Variants in GRIN2A observed in about 807,000 individuals in gnomAD.
GRIN2A encodes glutamate receptor ionotropic, NMDA 2A.
GRIN2A carries 22 observed loss-of-function variants against 113.4 expected under a neutral mutation model. The ratio of observed to expected loss-of-function variants is 0.19; its 90% CI spans 0.14 to 0.28. GRIN2A has a LOEUF of 0.28. GRIN2A is among the 10% of genes least tolerant of loss of function. The pLI, the probability that GRIN2A is intolerant of heterozygous loss-of-function variation, is 1.00. For missense variants in GRIN2A, 1,502 were observed against 1,887.0 expected, an observed-to-expected ratio of 0.80 and a Z score of 3.78; for synonymous variants, 827 against 738.4, an observed-to-expected ratio of 1.12 and a Z score of -1.94.
At chr16:10,133,532 G>A (rs879703261) in intron 2 of GRIN2A, among the ~76,000 whole-genome samples, 12 of 152,162 alleles carry the variant, frequency 7.9e-5, no homozygotes, top group Non-Finnish European at 1.5e-4. Flanking sequence ...GCTTGAACCC[G>A]GGAGGTGGAG....
At chr16:10,071,505 C>T (rs1010888206) in intron 2 of GRIN2A, among the ~76,000 whole-genome samples, 26 of 152,192 alleles carry the variant, frequency 1.7e-4, no homozygotes, top group African/African-American at 5.8e-4. Context: ...CCTAATAACA[C>T]TGTATTGAGA....
intron 2 of GRIN2A, among the ~76,000 whole-genome samples, chr16:9,998,070 G>C (rs936435482): frequency 6.6e-6 from 1 of 151,998 alleles, no homozygotes; most frequent in Non-Finnish European, 1.5e-5. Flanking sequence ...ACAAATAATA[G>C]GTTATGCTTT....
intron 2 of GRIN2A, among the ~76,000 whole-genome samples, chr16:9,998,401 G>A (rs1003819206): frequency 6.6e-6 from 1 of 152,232 alleles, no homozygotes; most frequent in African/African-American, 2.4e-5. Context: ...GATGGGGCAT[G>A]TTGTGTGAAT....
intron 4 of GRIN2A, among the ~76,000 whole-genome samples, chr16:9,860,019 G>A (rs183358110): frequency 2.9e-3 from 433 of 151,924 alleles, no homozygotes; most frequent in African/African-American, 8.5e-3. Flanking sequence ...TTCCAGTCTC[G>A]GTGGAGAGAA....
intron 2 of GRIN2A, among the ~76,000 whole-genome samples, chr16:9,962,799 C>A (rs1382879982): frequency 1.3e-5 from 2 of 152,140 alleles, no homozygotes; most frequent in East Asian, 3.9e-4. Context: ...ATAAATCATG[C>A]TGCCATAAAG....
chr16:10,125,631 GA>G (rs79695852), intron 2 of GRIN2A, among the ~76,000 whole-genome samples: 88,945 of 131,878 alleles, frequency 0.67, 30,469 homozygotes, highest in East Asian at 0.95. Context: ...ATGGTGGGAG[GA>G]AAAAAAAAAA....
chr16:10,094,883 CAA>C lies in GRIN2A; in HGVS notation c.414+85113_414+85114del, dbSNP rs58041208. 4.2e-3 allele frequency among the ~76,000 whole-genome samples: 493 copies of C among 117,432 alleles called. 3 individuals carry two copies. Among genetic ancestry groups the C allele is most frequent in the African/African-American group, 0.014 (443 of 31,412 alleles). 77.0% of individuals were successfully genotyped at this position (117,432 alleles called of 152,430 possible). A position where few individuals can be genotyped will look rare whatever the true frequency, so the allele number is the denominator to read the frequency against. On this transcript the variant is annotated intron_variant, in intron 2 of 12. Coordinates refer to ENST00000330684, the MANE Select transcript of GRIN2A (RefSeq NM_001134407.3). ...TTCCAGAAAGTAAGGGAATGTGCACCAAAAAAAAAAAAAAAAAAAAAATGAGG... is the reference window on the plus strand; with the variant it reads ...TTCCAGAAAGTAAGGGAATGTGCACCAAAAAAAAAAAAAAAAAAAATGAGG...
chr16:10,119,697 G>T (rs1367238024), intron 2 of GRIN2A, among the ~76,000 whole-genome samples: 1 of 152,188 alleles, frequency 6.6e-6, no homozygotes, highest in Non-Finnish European at 1.5e-5. Context: ...TATGCACATA[G>T]TACCTGACAG....
intron 2 of GRIN2A, among the ~76,000 whole-genome samples, chr16:10,077,680 C>T (rs555130015): frequency 5.9e-5 from 9 of 152,260 alleles, no homozygotes; most frequent in African/African-American, 1.9e-4. Context: ...ACCTTTCTGC[C>T]CTCATCTCCT....
intron 2 of GRIN2A, among the ~76,000 whole-genome samples, chr16:10,090,805 T>C (rs1029555916): frequency 6.6e-6 from 1 of 151,826 alleles, no homozygotes; most frequent in African/African-American, 2.4e-5. Context: ...AAGAACTGTA[T>C]CAAAAATATA....
At chr16:9,909,444 A>T (rs1402862865) in intron 3 of GRIN2A, among the ~76,000 whole-genome samples, 3 of 152,260 alleles carry the variant, frequency 2.0e-5, no homozygotes, top group Non-Finnish European at 2.9e-5. Flanking sequence ...TGTCACATCC[A>T]GTATGGCAGC....
intron 2 of GRIN2A, among the ~76,000 whole-genome samples, chr16:10,166,325 AG>A (rs1256526682): frequency 6.6e-6 from 1 of 152,186 alleles, no homozygotes; most frequent in African/African-American, 2.4e-5. Flanking sequence ...AGAATTTGGA[AG>A]CTTTCAAGAC....
chr16:10,122,105 C>T (rs1190395987), intron 2 of GRIN2A, among the ~76,000 whole-genome samples: 4 of 152,198 alleles, frequency 2.6e-5, no homozygotes, highest in Admixed American at 2.6e-4. Context: ...AGCTGTGAAA[C>T]TGGTAACCTA....
intron 10 of GRIN2A, chr16:9,805,395 A>C (rs533336726): frequency 2.0e-5 from 3 of 152,224 alleles, no homozygotes; most frequent in Non-Finnish European, 2.9e-5. Flanking sequence ...GAATTAATGA[A>C]ACCAGCATGT....
chr16:9,906,604 C>A (rs2044032891), intron 3 of GRIN2A, among the ~76,000 whole-genome samples: 1 of 152,114 alleles, frequency 6.6e-6, no homozygotes, highest in South Asian at 2.1e-4. Flanking sequence ...GTATGTGAAT[C>A]AATACTTAGT....
chr16:10,170,715 A>G (rs1398579085), intron 2 of GRIN2A, among the ~76,000 whole-genome samples: 1 of 152,144 alleles, frequency 6.6e-6, no homozygotes, highest in Non-Finnish European at 1.5e-5. Context: ...CGTCTCTACC[A>G]AAAATTTAAA....
rs150969561 is a variant in GRIN2A at position 9,941,614 on chromosome 16, T to C, written c.415-3063A>G. The stretch of plus-strand genomic sequence containing the variant: ...CCTCTCTGCAGAAAATGGAGAATAC[T>C]AGAACCTCTGGGGTTGGACTACCCA... On this transcript the variant is annotated intron_variant, in intron 2 of 12. Transcript: ENST00000330684. Among the ~76,000 whole-genome samples the C allele has an allele frequency of 1.2e-4, 18 of 152,252 alleles. No individual in the cohort carries two copies. In the East Asian group the frequency reaches 3.5e-3, roughly 29 times the overall value.
intron 2 of GRIN2A, among the ~76,000 whole-genome samples, chr16:10,057,157 C>T (rs538988185): frequency 6.6e-6 from 1 of 152,250 alleles, no homozygotes; most frequent in Admixed American, 6.5e-5. Context: ...GGTCTATGTG[C>T]CAAGTGTTGT....
At chr16:9,934,705 A>AAAAAAG (rs2044671747) in intron 3 of GRIN2A, among the ~76,000 whole-genome samples, 3 of 146,642 alleles carry the variant, frequency 2.0e-5, no homozygotes, top group African/African-American at 5.1e-5. Context: ...AAAAAAAAAA[A>AAAAAAG]GGAGATATAA....
Sources: gnomAD v4.1 joint callset for allele counts (sites outside exome capture counted in the v4.1 genomes callset) on GRCh38, gnomAD v4.1.1 for gene constraint, MANE v1.5 for transcripts, NCBI Gene and HGNC (gene_info 2026-07-23, HGNC 2026-07-21) for gene names.